XIRP2: variants seen among roughly 807,000 people sequenced by gnomAD.
XIRP2 encodes xin actin-binding repeat-containing protein 2.
XIRP2 carries 236 observed loss-of-function variants against 277.0 expected under a neutral mutation model. The ratio of observed to expected loss-of-function variants is 0.85; its 90% CI spans 0.77 to 0.95. The LOEUF (loss-of-function observed/expected upper bound fraction) is 0.95, where lower values mean the gene tolerates loss of function less well. Among genes scored for constraint, XIRP2 ranks in the 40% least tolerant of loss-of-function variants. XIRP2 has a pLI of 0.00. For missense variants in XIRP2, 4,640 were observed against 4,157.5 expected (o/e 1.12, Z -3.19); for synonymous variants, 1,490 against 1,416.5 (o/e 1.05, Z -1.17).
At chr2:167,109,535 C>A (rs984072995) in intron 2 of XIRP2, among the ~76,000 whole-genome samples, 9 of 152,352 alleles carry the variant, frequency 5.9e-5, no homozygotes, top group Middle Eastern at 3.4e-3. Context: ...CCCACCTTGG[C>A]CTCCCAAAGT....
At chr2:167,025,719 A>T (rs1688132668) in intron 2 of XIRP2, among the ~76,000 whole-genome samples, 1 of 152,138 alleles carries the variant, frequency 6.6e-6, no homozygotes, top group Non-Finnish European at 1.5e-5. Flanking sequence ...TGTACCCAGT[A>T]GTCATTCAGG....
intron 3 of XIRP2, among the ~76,000 whole-genome samples, chr2:167,193,054 T>C (rs1693394875): frequency 6.6e-6 from 1 of 152,126 alleles, no homozygotes; most frequent in Non-Finnish European, 1.5e-5. Flanking sequence ...TCATCATCCC[T>C]TCATCATCCA....
chr2:167,040,480 C>G (rs1688633147), intron 2 of XIRP2, among the ~76,000 whole-genome samples: 1 of 152,156 alleles, frequency 6.6e-6, no homozygotes, highest in African/African-American at 2.4e-5. Context: ...TGCAGGAGAC[C>G]CCACAATGCC....
chr2:166,937,132 A>G (rs954987359), intron 2 of XIRP2, among the ~76,000 whole-genome samples: 1 of 152,178 alleles, frequency 6.6e-6, no homozygotes, highest in Non-Finnish European at 1.5e-5. Flanking sequence ...ACTATGCTGA[A>G]TAGGAGTGGT....
At chr2:166,935,941 C>T (rs569774360) in intron 2 of XIRP2, among the ~76,000 whole-genome samples, 10 of 152,282 alleles carry the variant, frequency 6.6e-5, no homozygotes, top group Admixed American at 5.2e-4. Flanking sequence ...AATGGGATGG[C>T]TGGGTCAACT....
At chr2:167,086,727 G>A (rs1235497675) in intron 2 of XIRP2, among the ~76,000 whole-genome samples, 2 of 151,078 alleles carry the variant, frequency 1.3e-5, no homozygotes, top group African/African-American at 2.4e-5. Context: ...TCTCCCAGTT[G>A]ATCGCATCAG....
At chr2:167,004,457 G>T (rs1299671413) in intron 2 of XIRP2, among the ~76,000 whole-genome samples, 1 of 151,788 alleles carries the variant, frequency 6.6e-6, no homozygotes, top group Non-Finnish European at 1.5e-5. Context: ...AACATTTAAT[G>T]CCACTAAAAT....
intron 2 of XIRP2, among the ~76,000 whole-genome samples, chr2:167,121,511 G>A (rs577452326): frequency 1.4e-4 from 22 of 152,228 alleles, no homozygotes; most frequent in African/African-American, 4.6e-4. Flanking sequence ...AGATTTAAAA[G>A]GTTTAGCCAT....
chr2:167,108,780 A>G (rs1574262191), intron 2 of XIRP2, among the ~76,000 whole-genome samples: 2 of 141,578 alleles, frequency 1.4e-5, no homozygotes, highest in African/African-American at 2.7e-5. Flanking sequence ...TATACTCTTT[A>G]AAAATCCAAA....
chr2:167,139,054 G>A (rs961199817), intron 3 of XIRP2, among the ~76,000 whole-genome samples: 1 of 151,170 alleles, frequency 6.6e-6, no homozygotes, highest in Non-Finnish European at 1.5e-5. Context: ...CCAACAGAGC[G>A]AGACTCTGTC....
At chr2:166,982,268 TTTTAA>T (rs1686890740) in intron 2 of XIRP2, among the ~76,000 whole-genome samples, 1 of 151,876 alleles carries the variant, frequency 6.6e-6, no homozygotes, top group Non-Finnish European at 1.5e-5. Context: ...TGCATCAGGT[TTTTAA>T]TTTATCTTTG....
At chr2:167,196,363 G>A (rs1054613935) in intron 3 of XIRP2, among the ~76,000 whole-genome samples, 3 of 151,606 alleles carry the variant, frequency 2.0e-5, no homozygotes, top group African/African-American at 7.3e-5. Context: ...AAAAAAGGAA[G>A]ACTGGGGATG....
chr2:167,248,288 C>T lies in XIRP2; in HGVS notation c.6896C>T (p.Pro2299Leu). 6.2e-7 allele frequency: 1 copy of T among 1,613,720 alleles called. No homozygotes were observed. Among genetic ancestry groups the T allele is most frequent in the Non-Finnish European group, 8.5e-7 (1 of 1,179,818 alleles). ...CCTCCATCTCCACCTCCTCCACCAC[C>T]TTCTAATGCATCATCTGAAATTGAA... ...LPPPSPPPPP[P>L]SNASSEIEFP... Residue 2299 changes from proline (P) to leucine (L), a missense_variant, in exon 9 of 11, where the codon CCT becomes CTT. Coordinates refer to ENST00000409195, the MANE Select transcript of XIRP2 (RefSeq NM_152381.6).
At chr2:167,003,452 G>A (rs1207700982) in intron 2 of XIRP2, among the ~76,000 whole-genome samples, 1 of 151,832 alleles carries the variant, frequency 6.6e-6, no homozygotes, top group East Asian at 1.9e-4. Flanking sequence ...GATTATTAAT[G>A]TTTCAATACA....
At chr2:167,239,593 G>A (rs1209551286) in intron 5 of XIRP2, among the ~76,000 whole-genome samples, 1 of 152,144 alleles carries the variant, frequency 6.6e-6, no homozygotes, top group Non-Finnish European at 1.5e-5. Flanking sequence ...CCTCCAGCCT[G>A]CAGAACAGAA....
At chr2:167,238,825 AT>A (rs1694972920) in intron 5 of XIRP2, among the ~76,000 whole-genome samples, 1 of 152,172 alleles carries the variant, frequency 6.6e-6, no homozygotes, top group African/African-American at 2.4e-5. Context: ...CTGTATCCTT[AT>A]TTTTGAATGT....
chr2:167,044,065 A>T (rs1688731662), intron 2 of XIRP2, among the ~76,000 whole-genome samples: 1 of 152,132 alleles, frequency 6.6e-6, no homozygotes, highest in African/African-American at 2.4e-5. Flanking sequence ...CACATCGAAA[A>T]GCTGATCCAC....
At chr2:167,205,414 G>T (rs778705614) in intron 3 of XIRP2, among the ~76,000 whole-genome samples, 7 of 151,794 alleles carry the variant, frequency 4.6e-5, no homozygotes, top group Non-Finnish European at 1.0e-4. Context: ...CTTTCATCTG[G>T]CAAGATGTAG....
At chr2:167,205,172 A>G (rs1034086169) in intron 3 of XIRP2, among the ~76,000 whole-genome samples, 2 of 152,106 alleles carry the variant, frequency 1.3e-5, no homozygotes, top group African/African-American at 4.8e-5. Flanking sequence ...TCCCCACTAT[A>G]GGCTCCCAAC....
Sources: allele counts gnomAD v4.1 joint callset (sites outside exome capture counted in the v4.1 genomes callset), GRCh38; gene constraint gnomAD v4.1.1; transcripts MANE v1.5; gene names NCBI Gene and HGNC (gene_info 2026-07-23, HGNC 2026-07-21).